CFAP299: variants seen among roughly 807,000 people sequenced by gnomAD.
CFAP299 encodes the protein cilia and flagella associated protein 299, also known as cilia- and flagella-associated protein 299.
A neutral mutation model predicts 27.0 loss-of-function variants in CFAP299; 21 were observed. The ratio of observed to expected loss-of-function variants is 0.78; its 90% CI spans 0.55 to 1.12. The LOEUF is 1.12. Among genes scored for constraint, CFAP299 ranks in the 50% most tolerant of loss-of-function variants. The probability of loss-of-function intolerance (pLI) is 0.00; values close to 1 mark genes in which losing one functional copy is unlikely to be tolerated. For synonymous variants in CFAP299, 104 were observed against 98.1 expected (o/e 1.06, Z -0.36); for missense variants, 310 against 276.6 (o/e 1.12, Z -0.86).
intron 5 of CFAP299, among the ~76,000 whole-genome samples, chr4:80,951,237 G>A (rs573493087): frequency 6.6e-6 from 1 of 152,102 alleles, no homozygotes; most frequent in Non-Finnish European, 1.5e-5. Context: ...AGATCTCAGA[G>A]ACCCATAGTT....
intron 3 of CFAP299, among the ~76,000 whole-genome samples, chr4:80,816,001 C>T (rs1729402639): frequency 6.6e-6 from 1 of 151,508 alleles, no homozygotes; most frequent in Admixed American, 6.6e-5. Context: ...ATTTATGATT[C>T]CATTGATAAA....
intron 5 of CFAP299, among the ~76,000 whole-genome samples, chr4:80,959,979 T>C (rs114618384): frequency 0.016 from 2,493 of 152,040 alleles, 71 homozygotes; most frequent in African/African-American, 0.057. Context: ...TAGCTCTTTA[T>C]ATGTGAGGAA....
intron 2 of CFAP299, among the ~76,000 whole-genome samples, chr4:80,466,972 C>T (rs1345431087): frequency 6.6e-6 from 1 of 152,186 alleles, no homozygotes; most frequent in African/African-American, 2.4e-5. Flanking sequence ...GGAGAGATGG[C>T]TCTCAATTTT....
chr4:80,507,757 T>A (rs1560600125), intron 2 of CFAP299, among the ~76,000 whole-genome samples: 1 of 152,134 alleles, frequency 6.6e-6, no homozygotes, highest in Non-Finnish European at 1.5e-5. Flanking sequence ...CTGAATACAC[T>A]ACAGCTGCCA....
intron 3 of CFAP299, among the ~76,000 whole-genome samples, chr4:80,654,777 T>G (rs1359065026): frequency 6.7e-6 from 1 of 148,338 alleles, no homozygotes. Context: ...GCCGAGCTAA[T>G]TTTTAACTTT....
At chr4:80,452,295 C>T (rs573396014) in intron 2 of CFAP299, among the ~76,000 whole-genome samples, 3 of 152,016 alleles carry the variant, frequency 2.0e-5, no homozygotes, top group African/African-American at 7.2e-5. Flanking sequence ...GACCAACAGG[C>T]CTTCAGGTAT....
At chr4:80,539,173 A>G (rs919905928) in intron 2 of CFAP299, among the ~76,000 whole-genome samples, 1 of 152,156 alleles carries the variant, frequency 6.6e-6, no homozygotes, top group Non-Finnish European at 1.5e-5. Context: ...TACCCACCTT[A>G]TATTTGGAGA....
chr4:80,850,794 A>C (rs1731474953), intron 3 of CFAP299, among the ~76,000 whole-genome samples: 3 of 152,216 alleles, frequency 2.0e-5, no homozygotes, highest in Middle Eastern at 6.8e-3. Flanking sequence ...CCAGGAAAGT[A>C]GTTATGATAG....
chr4:80,338,775 TA>T (rs1282295868), intron 1 of CFAP299, among the ~76,000 whole-genome samples: 1 of 152,248 alleles, frequency 6.6e-6, no homozygotes, highest in Admixed American at 6.5e-5. Flanking sequence ...CAGTCCGGTC[TA>T]AGTTTTATTT....
intron 3 of CFAP299, among the ~76,000 whole-genome samples, chr4:80,627,010 C>T (rs1340474050): frequency 6.7e-6 from 1 of 150,202 alleles, no homozygotes; most frequent in African/African-American, 2.4e-5. Context: ...TACCTTGATA[C>T]CAACAAACAA....
chr4:80,433,314 C>T (rs1361166373), intron 2 of CFAP299, among the ~76,000 whole-genome samples: 1 of 152,106 alleles, frequency 6.6e-6, no homozygotes, highest in Admixed American at 6.5e-5. Flanking sequence ...TCATAAACCA[C>T]CTTCTAAATA....
intron 4 of CFAP299, among the ~76,000 whole-genome samples, chr4:80,899,356 G>T (rs1734770341): frequency 6.6e-6 from 1 of 152,200 alleles, no homozygotes; most frequent in Admixed American, 6.5e-5. Context: ...CCTTGGGAAA[G>T]AATGCAACCA....
intron 3 of CFAP299, among the ~76,000 whole-genome samples, chr4:80,776,098 T>C (rs1726523367): frequency 6.6e-6 from 1 of 152,084 alleles, no homozygotes; most frequent in African/African-American, 2.4e-5. Flanking sequence ...AATTAAAAGG[T>C]GGAATTAGTG....
At chr4:80,674,364 G>C (rs1483065438) in intron 3 of CFAP299, among the ~76,000 whole-genome samples, 1 of 152,046 alleles carries the variant, frequency 6.6e-6, no homozygotes, top group Non-Finnish European at 1.5e-5. Context: ...CTCTCTTCTG[G>C]CTTATAGAGT....
chr4:80,554,500 C>T (rs1734691096), intron 2 of CFAP299, among the ~76,000 whole-genome samples: 1 of 143,652 alleles, frequency 7.0e-6, no homozygotes, highest in African/African-American at 2.6e-5. Flanking sequence ...ATACGTTTTC[C>T]ACTAGTTTTT....
At chr4:80,722,764 G>A (rs904301220) in intron 3 of CFAP299, among the ~76,000 whole-genome samples, 1 of 152,016 alleles carries the variant, frequency 6.6e-6, no homozygotes, top group Non-Finnish European at 1.5e-5. Flanking sequence ...GCCGGGCGAG[G>A]TAGCGGGCGC....
intron 3 of CFAP299, among the ~76,000 whole-genome samples, chr4:80,713,541 C>T (rs1722297775): frequency 6.6e-6 from 1 of 152,220 alleles, no homozygotes; most frequent in Non-Finnish European, 1.5e-5. Flanking sequence ...GTGGCAACAT[C>T]AGTAGCCATC....
At chr4:80,768,892 A>T (rs1366399142) in intron 3 of CFAP299, among the ~76,000 whole-genome samples, 1 of 152,210 alleles carries the variant, frequency 6.6e-6, no homozygotes, top group Non-Finnish European at 1.5e-5. Context: ...AATGAAGTGT[A>T]CCTTAACAAT....
chr4:80,496,451 CA>C (rs1329680968), intron 2 of CFAP299, among the ~76,000 whole-genome samples: 3 of 152,176 alleles, frequency 2.0e-5, no homozygotes, highest in African/African-American at 7.2e-5. Context: ...CTCCAGTTCC[CA>C]ATAAGTTCCT....
Sources: allele counts gnomAD v4.1 joint callset (sites outside exome capture counted in the v4.1 genomes callset), GRCh38; gene constraint gnomAD v4.1.1; transcripts MANE v1.5; gene names NCBI Gene and HGNC (gene_info 2026-07-23, HGNC 2026-07-21).